Variants in CDKAL1 observed in about 807,000 individuals in gnomAD.
The protein encoded by CDKAL1 is CDKAL1 threonylcarbamoyladenosine tRNA methylthiotransferase, also known as threonylcarbamoyladenosine tRNA methylthiotransferase.
Under a neutral mutation model 68.2 loss-of-function variants are expected in CDKAL1, and 32 were observed. The ratio of observed to expected loss-of-function variants is 0.47; its 90% CI spans 0.35 to 0.63. The LOEUF is 0.63. Among genes scored for constraint, CDKAL1 ranks in the 30% least tolerant of loss-of-function variants. The pLI is 0.00. For missense variants in CDKAL1, 606 were observed against 696.7 expected (o/e 0.87, Z 1.47); for synonymous variants, 234 against 244.3 (o/e 0.96, Z 0.39).
At chr6:20,674,508 T>G (rs1173549460) in intron 5 of CDKAL1, among the ~76,000 whole-genome samples, 1 of 152,232 alleles carries the variant, frequency 6.6e-6, no homozygotes, top group Non-Finnish European at 1.5e-5. Flanking sequence ...TTTTAGTACA[T>G]GCATACAATG....
chr6:20,983,953 T>C lies in CDKAL1; in HGVS notation c.910-16274T>C, dbSNP rs112444311. 1.8e-3 allele frequency among the ~76,000 whole-genome samples: 270 copies of C among 152,312 alleles called. 4 individuals are homozygous for C. The highest frequency in any genetic ancestry group is 6.0e-3 in the African/African-American group (250 of 41,568). On this transcript the variant is annotated intron_variant, in intron 10 of 15. Transcript: ENST00000274695. The stretch of plus-strand genomic sequence containing the variant: ...GATCAATCCATAGGAATGATGCTCT[T>C]GTGAGAGACATTTGATTGAGCAATG...
chr6:21,022,005 A>G (rs1191521144), intron 11 of CDKAL1, among the ~76,000 whole-genome samples: 1 of 152,178 alleles, frequency 6.6e-6, no homozygotes, highest in Non-Finnish European at 1.5e-5. Flanking sequence ...AAAGCAAAAG[A>G]AGAAACAACA....
chr6:21,210,513 T>C (rs1052728087), intron 15 of CDKAL1, among the ~76,000 whole-genome samples: 1 of 152,218 alleles, frequency 6.6e-6, no homozygotes, highest in African/African-American at 2.4e-5. Context: ...GCTGGCACCT[T>C]GATCTTAGAT....
At chr6:20,969,902 TTTTTTAGGC>T (rs1765505606) in intron 10 of CDKAL1, among the ~76,000 whole-genome samples, 1 of 152,122 alleles carries the variant, frequency 6.6e-6, no homozygotes, top group African/African-American at 2.4e-5. Flanking sequence ...TATGTCAGTG[TTTTTTAGGC>T]TTTGTATGGA....
rs185480530 is a variant in CDKAL1, at chr6:20,932,003, T to G, written c.743-23416T>G. 1.1e-3 allele frequency among the ~76,000 whole-genome samples: 161 copies of G among 152,340 alleles called. 1 individual carries two copies. The highest frequency in any genetic ancestry group is 2.9e-4 in the Non-Finnish European group (20 of 68,028). ...CACACAGAACCATAAAATCTTGCCT[T>G]TGTATCATATGCTTATCTCTCCCAG... is the stretch of plus-strand genomic sequence containing the variant. On this transcript the variant is annotated intron_variant, in intron 9 of 15. Coordinates refer to ENST00000274695, the MANE Select transcript of CDKAL1 (RefSeq NM_017774.3).
At chr6:20,876,260 A>G (rs1320064781) in intron 9 of CDKAL1, among the ~76,000 whole-genome samples, 1 of 152,228 alleles carries the variant, frequency 6.6e-6, no homozygotes. Flanking sequence ...TAGAAAAGTC[A>G]CTGCAACTTT....
chr6:20,638,735 G>C (rs146886164), intron 4 of CDKAL1, among the ~76,000 whole-genome samples: 1,994 of 100,720 alleles, frequency 0.02, 53 homozygotes, highest in African/African-American at 0.065. Flanking sequence ...CCAAGTATCT[G>C]GGATTACAAA....
At chr6:20,718,569 GT>G (rs2127841013) in intron 5 of CDKAL1, among the ~76,000 whole-genome samples, 1 of 152,252 alleles carries the variant, frequency 6.6e-6, no homozygotes, top group South Asian at 2.1e-4. Context: ...TATATTGCCT[GT>G]TTTCAAATAG....
intron 11 of CDKAL1, among the ~76,000 whole-genome samples, chr6:21,013,569 A>G (rs1307494987): frequency 6.6e-6 from 1 of 152,218 alleles, no homozygotes; most frequent in Non-Finnish European, 1.5e-5. Context: ...CCTTGTTACT[A>G]AGAGCAGTAA....
At chr6:20,916,347 C>T (rs1405133256) in intron 9 of CDKAL1, among the ~76,000 whole-genome samples, 3 of 152,154 alleles carry the variant, frequency 2.0e-5, no homozygotes, top group Non-Finnish European at 4.4e-5. Context: ...TTTGCAACTT[C>T]TCTGTGAGTC....
rs1206819937 is a variant in CDKAL1, at chr6:21,230,832, G to T, written c.1549-16G>T. On this transcript the variant is annotated splice_polypyrimidine_tract_variant and intron_variant, in intron 15 of 15. Coordinates refer to ENST00000274695, the MANE Select transcript of CDKAL1 (RefSeq NM_017774.3). ...GCATCTAAAAATAATTTTTTCCTCT[G>T]TTTCTCTCTTTATAGGACTTCAGAA... 1.3e-6 allele frequency: 2 copies of T among 1,560,732 alleles called. No individual in the cohort carries two copies. Among genetic ancestry groups the T allele is most frequent in the South Asian group, 1.2e-5 (1 of 83,522 alleles).
intron 11 of CDKAL1, among the ~76,000 whole-genome samples, chr6:21,007,022 C>T (rs1023894253): frequency 3.9e-5 from 6 of 152,100 alleles, no homozygotes; most frequent in African/African-American, 1.2e-4. Flanking sequence ...TGACAGAGTG[C>T]TTTCATATTC....
intron 8 of CDKAL1, among the ~76,000 whole-genome samples, chr6:20,802,309 CAACAACAATAATAATAAT>C (rs1281881342): frequency 2.1e-5 from 3 of 142,352 alleles, no homozygotes; most frequent in Admixed American, 1.4e-4. Context: ...AAAACAACAA[CAACAACAATAATAATAAT>C]AATAATAATA....
At chr6:21,027,732 C>G (rs576369980) in intron 11 of CDKAL1, among the ~76,000 whole-genome samples, 11 of 152,304 alleles carry the variant, frequency 7.2e-5, no homozygotes, top group African/African-American at 2.4e-4. Flanking sequence ...GTCACCAGAA[C>G]TAAGAGCCAA....
At chr6:21,205,995 C>A (rs942549233) in intron 15 of CDKAL1, among the ~76,000 whole-genome samples, 1 of 147,458 alleles carries the variant, frequency 6.8e-6, no homozygotes, top group Admixed American at 6.8e-5. Flanking sequence ...CCACCGCGCC[C>A]GGCTAATTTT....
At chr6:20,658,829 T>C (rs976124276) in intron 5 of CDKAL1, among the ~76,000 whole-genome samples, 1 of 152,180 alleles carries the variant, frequency 6.6e-6, no homozygotes, top group Non-Finnish European at 1.5e-5. Context: ...TTTATTTACT[T>C]TTTGAGACCG....
At chr6:20,874,219 G>A (rs1760375166) in intron 9 of CDKAL1, among the ~76,000 whole-genome samples, 1 of 152,250 alleles carries the variant, frequency 6.6e-6, no homozygotes, top group East Asian at 1.9e-4. Flanking sequence ...ATTGTATGGA[G>A]GAAATGGCAT....
chr6:20,862,474 C>A (rs1219981583), intron 9 of CDKAL1, among the ~76,000 whole-genome samples: 8 of 152,114 alleles, frequency 5.3e-5, no homozygotes, highest in African/African-American at 1.9e-4. Flanking sequence ...TAGTATAATA[C>A]TAAGTCTGCA....
intron 9 of CDKAL1, among the ~76,000 whole-genome samples, chr6:20,862,353 A>G (rs189586009): frequency 1.0e-3 from 157 of 152,324 alleles, no homozygotes; most frequent in Non-Finnish European, 1.1e-3. Flanking sequence ...TTCTGTTTCC[A>G]TAGTTTCTAG....
Sources: allele counts gnomAD v4.1 joint callset (sites outside exome capture counted in the v4.1 genomes callset), GRCh38; gene constraint gnomAD v4.1.1; transcripts MANE v1.5; gene names NCBI Gene and HGNC (gene_info 2026-07-23, HGNC 2026-07-21).